Variants in SPATA17 observed in about 807,000 individuals in gnomAD.
SPATA17 encodes the protein spermatogenesis associated 17, also known as spermatogenesis-associated protein 17.
SPATA17 carries 53 observed loss-of-function variants against 62.2 expected under a neutral mutation model. The observed-to-expected ratio is 0.85, with a 90% CI of 0.68 to 1.07. SPATA17 has a LOEUF of 1.07. Among genes scored for constraint, SPATA17 ranks in the 50% least tolerant of loss-of-function variants. SPATA17 has a pLI of 0.00. For missense variants in SPATA17, 466 were observed against 425.5 expected (o/e 1.10, Z -0.84); for synonymous variants, 146 against 146.8 (o/e 0.99, Z 0.04).
intron 4 of SPATA17, among the ~76,000 whole-genome samples, chr1:217,672,125 A>T (rs1181994683): frequency 6.6e-6 from 1 of 152,198 alleles, no homozygotes; most frequent in African/African-American, 2.4e-5. Context: ...TACTTTCAAG[A>T]GTGAGTGGCC....
chr1:217,815,215 A>C (rs1047711698), intron 9 of SPATA17, among the ~76,000 whole-genome samples: 1 of 152,136 alleles, frequency 6.6e-6, no homozygotes, highest in Non-Finnish European at 1.5e-5. Flanking sequence ...ACCCCAAATG[A>C]CTGGAAATAT....
In SPATA17 at chr1:217,753,441, C is replaced by T. The variant is rs79165707; in HGVS notation, c.519+11343C>T. Among the ~76,000 whole-genome samples, 78 of 151,944 alleles carry T rather than the reference C, an allele frequency of 5.1e-4. 1 individual carries two copies. In the East Asian group the frequency reaches 7.9e-3, roughly 15 times the overall value. On this transcript the variant is annotated intron_variant, in intron 6 of 10. Transcript: ENST00000366933. ...CTATCTTTCTTTAAAGCTGAAGCAC[C>T]GAATTTTCTTTAGTTCTTTCTCTTT...
intron 6 of SPATA17, among the ~76,000 whole-genome samples, chr1:217,761,111 G>A (rs775519639): frequency 7.9e-5 from 12 of 152,080 alleles, no homozygotes; most frequent in Non-Finnish European, 1.5e-4. Flanking sequence ...AGGCCACCAG[G>A]AATCTCCTAA....
Position 217,651,269 on chromosome 1 carries a change from T to C in SPATA17, c.240+91T>C. ...GTCATATTTCCATATAGTTTGGAAA[T>C]TACTGATGATGAGTATTTATGTAAG... On this transcript the variant is annotated intron_variant, in intron 3 of 10. Transcript: ENST00000366933. 4 of 1,008,428 alleles carry C rather than the reference T, an allele frequency of 4.0e-6. No individual in the cohort carries two copies. In the South Asian group the frequency reaches 7.5e-5, roughly 19 times the overall value. 62.5% of individuals were successfully genotyped at this position (1,008,428 alleles called of 1,614,324 possible).
intron 9 of SPATA17, among the ~76,000 whole-genome samples, chr1:217,861,883 G>T (rs1675903693): frequency 6.6e-6 from 1 of 152,264 alleles, no homozygotes; most frequent in Middle Eastern, 3.4e-3. Flanking sequence ...AGCATTAATT[G>T]TAGAAGCAGA....
At chr1:217,719,790 G>T (rs537915637) in intron 5 of SPATA17, among the ~76,000 whole-genome samples, 2 of 152,308 alleles carry the variant, frequency 1.3e-5, no homozygotes, top group South Asian at 2.1e-4. Flanking sequence ...GTTTGGAAGA[G>T]CCTCTCCCAA....
At chr1:217,651,204 G>A (rs773971460) in intron 3 of SPATA17, 26 bp downstream of exon 3, 3 of 1,526,432 alleles carry the variant, frequency 2.0e-6, no homozygotes, top group African/African-American at 2.8e-5. Context: ...ACATATGTTA[G>A]CATTTGAATT....
chr1:217,743,708 C>T (rs1186297598), intron 6 of SPATA17, among the ~76,000 whole-genome samples: 1 of 151,944 alleles, frequency 6.6e-6, no homozygotes, highest in African/African-American at 2.4e-5. Context: ...CTCCTGGGTT[C>T]AAGCAATTCT....
intron 5 of SPATA17, among the ~76,000 whole-genome samples, chr1:217,736,703 G>C (rs765423359): frequency 1.3e-5 from 2 of 152,174 alleles, no homozygotes; most frequent in South Asian, 4.1e-4. Context: ...TTGTAGGTTT[G>C]TATTGTGTGT....
At chr1:217,749,985 C>CTCTCTCTCTATATATATA in intron 6 of SPATA17, among the ~76,000 whole-genome samples, 33 of 12,294 alleles carry the variant, frequency 2.7e-3, no homozygotes, top group Non-Finnish European at 3.5e-3. Flanking sequence ...CTCTCTCTCT[C>CTCTCTCTCTATATATATA]TATATATATA....
At chr1:217,676,291 G>A (rs1429755464) in intron 4 of SPATA17, among the ~76,000 whole-genome samples, 1 of 152,096 alleles carries the variant, frequency 6.6e-6, no homozygotes, top group Non-Finnish European at 1.5e-5. Context: ...TTTTTGAGGA[G>A]GATGTAACAA....
intron 9 of SPATA17, among the ~76,000 whole-genome samples, chr1:217,822,028 C>T (rs1039973846): frequency 6.6e-6 from 1 of 152,080 alleles, no homozygotes; most frequent in African/African-American, 2.4e-5. Context: ...GATTGCTAAA[C>T]TTTCTACAAT....
chr1:217,645,895 A>C (rs1670169605), intron 1 of SPATA17, among the ~76,000 whole-genome samples: 1 of 152,302 alleles, frequency 6.6e-6, no homozygotes, highest in Admixed American at 6.5e-5. Flanking sequence ...TTGCTTAATC[A>C]TGATCTCCCA....
intron 5 of SPATA17, among the ~76,000 whole-genome samples, chr1:217,687,027 G>A (rs1168636186): frequency 6.6e-6 from 1 of 152,150 alleles, no homozygotes; most frequent in Non-Finnish European, 1.5e-5. Flanking sequence ...CTGCATGATA[G>A]CTTTTAAATA....
intron 9 of SPATA17, among the ~76,000 whole-genome samples, chr1:217,803,411 G>T: frequency 6.6e-6 from 1 of 152,106 alleles, no homozygotes; most frequent in East Asian, 1.9e-4. Flanking sequence ...ATGCAATAAT[G>T]TTTCAGCATA....
intron 9 of SPATA17, among the ~76,000 whole-genome samples, chr1:217,826,135 C>T (rs1414836504): frequency 6.6e-6 from 1 of 152,124 alleles, no homozygotes; most frequent in Non-Finnish European, 1.5e-5. Flanking sequence ...ACTCCAAGCT[C>T]AGGGTCAGTT....
chr1:217,667,756 T>A (rs1324940570), intron 3 of SPATA17, among the ~76,000 whole-genome samples: 1 of 152,252 alleles, frequency 6.6e-6, no homozygotes, highest in Non-Finnish European at 1.5e-5. Context: ...TAGCAATGTC[T>A]GCTTCAATAT....
At chr1:217,741,045 AT>A (rs1022310883) in intron 5 of SPATA17, among the ~76,000 whole-genome samples, 28 of 152,262 alleles carry the variant, frequency 1.8e-4, no homozygotes, top group African/African-American at 6.7e-4. Flanking sequence ...TATTTTTTGA[AT>A]TTTTTTCCTC....
intron 7 of SPATA17, among the ~76,000 whole-genome samples, chr1:217,776,723 A>G (rs1336900925): frequency 6.6e-6 from 1 of 151,074 alleles, no homozygotes; most frequent in Non-Finnish European, 1.5e-5. Flanking sequence ...GTGATCTCAT[A>G]TGAAGGCTCA....
Sources: allele counts gnomAD v4.1 joint callset (sites outside exome capture counted in the v4.1 genomes callset), GRCh38; gene constraint gnomAD v4.1.1; transcripts MANE v1.5; gene names NCBI Gene and HGNC (gene_info 2026-07-23, HGNC 2026-07-21).